Variants in PPFIA2 observed in about 807,000 individuals in gnomAD.
PPFIA2 encodes PPFI scaffold protein A2, also known as liprin-alpha-2.
In PPFIA2, 46 loss-of-function variants were observed where a neutral mutation model predicts 175.5. The ratio of observed to expected loss-of-function variants is 0.26; its 90% CI spans 0.21 to 0.34. The LOEUF is 0.34. Among genes scored for constraint, PPFIA2 ranks in the 10% least tolerant of loss-of-function variants. The pLI, the probability that PPFIA2 is intolerant of heterozygous loss-of-function variation, is 1.00. For synonymous variants in PPFIA2, 568 were observed against 511.4 expected, an observed-to-expected ratio of 1.11 and a Z score of -1.49; for missense variants, 1,179 against 1,506.1, an observed-to-expected ratio of 0.78 and a Z score of 3.60.
At chr12:81,693,813 A>C (rs2075559079) in intron 3 of PPFIA2, among the ~76,000 whole-genome samples, 1 of 152,238 alleles carries the variant, frequency 6.6e-6, no homozygotes, top group African/African-American at 2.4e-5. Context: ...TCCAGGTGTC[A>C]AGGTCTTAGA....
intron 3 of PPFIA2, among the ~76,000 whole-genome samples, chr12:81,707,124 G>A (rs577303930): frequency 8.5e-4 from 130 of 152,262 alleles, no homozygotes; most frequent in Middle Eastern, 3.4e-3. Context: ...AGGACTTCAT[G>A]TCTAAAACAC....
At chr12:81,515,799 A>T (rs1337034785) in intron 4 of PPFIA2, among the ~76,000 whole-genome samples, 2 of 152,080 alleles carry the variant, frequency 1.3e-5, no homozygotes, top group Non-Finnish European at 1.5e-5. Flanking sequence ...TCTCATGAGT[A>T]CATCCAGTAT....
At chr12:81,422,417 T>C (rs907631278) in intron 7 of PPFIA2, among the ~76,000 whole-genome samples, 3 of 151,942 alleles carry the variant, frequency 2.0e-5, no homozygotes, top group African/African-American at 7.3e-5. Flanking sequence ...CAGAAAAGGA[T>C]TGTCTTAAGG....
intron 22 of PPFIA2, chr12:81,312,015 G>T (rs1013280890): frequency 7.0e-6 from 5 of 719,046 alleles, no homozygotes; most frequent in African/African-American, 5.4e-5. Context: ...TTACTGTGTG[G>T]AAATAAATAT....
At chr12:81,618,568 G>A (rs1224550347) in intron 4 of PPFIA2, among the ~76,000 whole-genome samples, 4 of 120,578 alleles carry the variant, frequency 3.3e-5, no homozygotes, top group South Asian at 2.7e-4. Flanking sequence ...TCGCTCTGTC[G>A]CCCAGGCTGG....
At chr12:81,521,225 G>A (rs1288475106) in intron 4 of PPFIA2, among the ~76,000 whole-genome samples, 2 of 151,804 alleles carry the variant, frequency 1.3e-5, no homozygotes, top group East Asian at 3.9e-4. Flanking sequence ...AAAGTGCGGT[G>A]TAAAGATCGC....
chr12:81,663,746 A>G lies in PPFIA2; in HGVS notation c.303+13045T>C, dbSNP rs1191934140. Among the ~76,000 whole-genome samples, 11 of 152,328 alleles carry G rather than the reference A, an allele frequency of 7.2e-5. No homozygotes were observed. In the South Asian group the frequency reaches 2.1e-3, roughly 29 times the overall value. On this transcript the variant is annotated intron_variant, in intron 4 of 32. Coordinates refer to ENST00000549396, the MANE Select transcript of PPFIA2 (RefSeq NM_003625.5). ...ACATTGCCAAGTCAATCCTAAGCCAAAAGAACAAAGCTGGAGGCATCACAC... is the reference window on the plus strand; with the variant it reads ...ACATTGCCAAGTCAATCCTAAGCCAGAAGAACAAAGCTGGAGGCATCACAC...
rs1271127076 is a variant in PPFIA2, at chr12:81,499,645, C to T, written c.304-41779G>A. ...GGTAAGTATCATTTTCTCTATTTGA[C>T]TGATGAGAAGAGTGGACTTCAGTAG... On this transcript the variant is annotated intron_variant, in intron 4 of 32. Coordinates refer to ENST00000549396, the MANE Select transcript of PPFIA2 (RefSeq NM_003625.5). Among the ~76,000 whole-genome samples the T allele has an allele frequency of 7.3e-5, 11 of 150,530 alleles. No individual in the cohort carries two copies. In the East Asian group the frequency reaches 2.1e-3, roughly 29 times the overall value.
chr12:81,346,382 C>T (rs1181325668), intron 18 of PPFIA2, among the ~76,000 whole-genome samples: 2 of 151,716 alleles, frequency 1.3e-5, no homozygotes, highest in Non-Finnish European at 2.9e-5. Context: ...CCTACTACCT[C>T]CAGTTTTGCC....
chr12:81,659,395 C>A (rs1441456408), intron 4 of PPFIA2, among the ~76,000 whole-genome samples: 1 of 152,180 alleles, frequency 6.6e-6, no homozygotes, highest in Non-Finnish European at 1.5e-5. Context: ...AAACGGCACA[C>A]CCAGAGATTA....
At position 81,580,597 on chromosome 12, in the gene PPFIA2, T is replaced by C. The variant is rs2074256797; in HGVS notation, c.303+96194A>G. Among the ~76,000 whole-genome samples the C allele has an allele frequency of 4.0e-5, 6 of 151,544 alleles. No homozygotes were observed. In the South Asian group the frequency reaches 1.0e-3, roughly 26 times the overall value. On this transcript the variant is annotated intron_variant, in intron 4 of 32. Coordinates refer to ENST00000549396, the MANE Select transcript of PPFIA2 (RefSeq NM_003625.5). ...TTTAAAATATTTTAAAACTTTTATGTTAAAATGCTTACAATAATAAATTAT... is the reference window on the plus strand; with the variant it reads ...TTTAAAATATTTTAAAACTTTTATGCTAAAATGCTTACAATAATAAATTAT...
At chr12:81,351,689 G>C (rs912631127) in intron 17 of PPFIA2, among the ~76,000 whole-genome samples, 3 of 149,116 alleles carry the variant, frequency 2.0e-5, no homozygotes, top group African/African-American at 5.0e-5. Context: ...TTAGAGCCCA[G>C]GAGTTCAAGA....
In PPFIA2 at chr12:81,570,707, TATA is replaced by T. The variant is rs1301466081; in HGVS notation, c.303+106081_303+106083del. On this transcript the variant is annotated intron_variant, in intron 4 of 32. Transcript: ENST00000549396. The stretch of plus-strand genomic sequence containing the variant: ...AAATAATTTTATAATTACATAAAAA[TATA>T]ATATTTTATAATATATAAAATATAT... Among the ~76,000 whole-genome samples the T allele has an allele frequency of 3.2e-4, 48 of 148,302 alleles. No individual in the cohort carries two copies. The East Asian group carries it at 3.5e-3, about 11-fold the overall frequency.
intron 5 of PPFIA2, among the ~76,000 whole-genome samples, chr12:81,449,307 C>A (rs557353953): frequency 5.9e-5 from 9 of 152,224 alleles, no homozygotes; most frequent in African/African-American, 1.9e-4. Flanking sequence ...AGCTATTCAC[C>A]ATGAAGCAAG....
chr12:81,579,891 T>A (rs1383492269), intron 4 of PPFIA2, among the ~76,000 whole-genome samples: 4 of 151,890 alleles, frequency 2.6e-5, no homozygotes, highest in Admixed American at 2.6e-4. Context: ...ACATATTTTC[T>A]GCATCATCTC....
At chr12:81,481,207 T>G (rs1256373190) in intron 4 of PPFIA2, among the ~76,000 whole-genome samples, 3 of 152,052 alleles carry the variant, frequency 2.0e-5, no homozygotes, top group African/African-American at 7.2e-5. Context: ...CCTCTTCAAC[T>G]AGAACTACAA....
At chr12:81,355,292 GT>G (rs935209237) in intron 16 of PPFIA2, among the ~76,000 whole-genome samples, 2 of 152,134 alleles carry the variant, frequency 1.3e-5, no homozygotes, top group African/African-American at 4.8e-5. Flanking sequence ...TCAAATCTGT[GT>G]TTAAAATATT....
At chr12:81,619,105 G>T (rs2061743379) in intron 4 of PPFIA2, among the ~76,000 whole-genome samples, 1 of 152,174 alleles carries the variant, frequency 6.6e-6, no homozygotes, top group African/African-American at 2.4e-5. Flanking sequence ...AACGGCCTTA[G>T]AAACTTGATT....
chr12:81,413,648 T>C (rs2044402050), intron 7 of PPFIA2, among the ~76,000 whole-genome samples: 2 of 151,824 alleles, frequency 1.3e-5, no homozygotes. Context: ...CATCTTAAAA[T>C]ATAACATTAA....
Sources: gnomAD v4.1 joint callset for allele counts (sites outside exome capture counted in the v4.1 genomes callset) on GRCh38, gnomAD v4.1.1 for gene constraint, MANE v1.5 for transcripts, NCBI Gene and HGNC (gene_info 2026-07-23, HGNC 2026-07-21) for gene names.